SASS6: variants seen among roughly 807,000 people sequenced by gnomAD.
The protein encoded by SASS6 is SAS-6 centriolar assembly protein.
A neutral mutation model predicts 94.9 loss-of-function variants in SASS6; 59 were observed. The observed-to-expected ratio is 0.62, with a 90% CI of 0.50 to 0.77. SASS6 has a LOEUF of 0.77. Ranked by LOEUF, SASS6 falls within the 30% of genes least tolerant of loss-of-function variation. The pLI is 0.00. For synonymous variants in SASS6, 264 were observed against 270.0 expected, an observed-to-expected ratio of 0.98 and a Z score of 0.22; for missense variants, 698 against 734.1, an observed-to-expected ratio of 0.95 and a Z score of 0.57.
At chr1:100,105,224 G>A (rs1652806150) in intron 13 of SASS6, among the ~76,000 whole-genome samples, 3 of 152,062 alleles carry the variant, frequency 2.0e-5, no homozygotes. Flanking sequence ...ATCCAGTCAA[G>A]ACTTATAAAG....
chr1:100,100,225 C>A (rs1652376908), intron 14 of SASS6, among the ~76,000 whole-genome samples: 1 of 152,058 alleles, frequency 6.6e-6, no homozygotes, highest in Admixed American at 6.5e-5. Flanking sequence ...AAGATCATGC[C>A]ACTGCACTCT....
At chr1:100,112,142 T>C (rs935864336) in intron 7 of SASS6, among the ~76,000 whole-genome samples, 17 of 152,066 alleles carry the variant, frequency 1.1e-4, no homozygotes, top group African/African-American at 3.9e-4. Flanking sequence ...TAATAGAGTC[T>C]AACAGAAAAG....
intron 13 of SASS6, among the ~76,000 whole-genome samples, chr1:100,103,421 T>C (rs992331926): frequency 3.3e-5 from 5 of 152,182 alleles, no homozygotes; most frequent in Non-Finnish European, 7.4e-5. Context: ...TGGAGATCAA[T>C]AGGCCAATCA....
chr1:100,119,745 G>A (rs1385720888), intron 6 of SASS6, among the ~76,000 whole-genome samples: 4 of 152,138 alleles, frequency 2.6e-5, no homozygotes, highest in Admixed American at 6.5e-5. Context: ...CCCTCACCAT[G>A]TGACACTCCT....
At position 100,107,919 on chromosome 1, in the gene SASS6, T is replaced by C. The variant is rs1244123725; in HGVS notation, c.947A>G (p.His316Arg). The C allele has an allele frequency of 6.2e-7, 1 of 1,612,524 alleles. No individual in the cohort carries two copies. Among genetic ancestry groups the C allele is most frequent in the Admixed American group, 1.7e-5 (1 of 60,002 alleles). ...LDVECHEKEKHVNQLQTKVAV... is the reference protein window; with the variant it reads ...LDVECHEKEKRVNQLQTKVAV... Reference sequence around the variant, plus strand: ...CACTTTTGTTTGTAGCTGATTAACGTGCTTTTCTTTCTCGTGGCATTCAAC... The same window carrying C: ...CACTTTTGTTTGTAGCTGATTAACGCGCTTTTCTTTCTCGTGGCATTCAAC... Residue 316 changes from histidine to arginine, a missense_variant, in exon 9 of 17, where the codon CAC becomes CGC. His to Arg is a conservative substitution (Grantham distance 29, BLOSUM62 0). Transcript: ENST00000287482.
chr1:100,108,751 T>C (rs756946128), intron 8 of SASS6, among the ~76,000 whole-genome samples: 5 of 152,190 alleles, frequency 3.3e-5, no homozygotes, highest in Admixed American at 6.5e-5. Flanking sequence ...TGTGTGATCT[T>C]GGTAATTACT....
intron 14 of SASS6, among the ~76,000 whole-genome samples, chr1:100,093,150 CA>C (rs2101643762): frequency 7.0e-6 from 1 of 142,100 alleles, no homozygotes; most frequent in South Asian, 2.2e-4. Flanking sequence ...ATTATCCCAA[CA>C]AAAACAGAAT....
intron 7 of SASS6, among the ~76,000 whole-genome samples, chr1:100,117,525 C>A (rs998194098): frequency 1.3e-5 from 2 of 151,746 alleles, no homozygotes; most frequent in Admixed American, 1.3e-4. Flanking sequence ...TGGTGGCATG[C>A]GCCTGTAATC....
At chr1:100,120,631 C>T (rs1191068955) in intron 5 of SASS6, among the ~76,000 whole-genome samples, 172 bp from the exon 6 acceptor site, 1 of 152,212 alleles carries the variant, frequency 6.6e-6, no homozygotes, top group Non-Finnish European at 1.5e-5. Flanking sequence ...TAAAGTTTGA[C>T]ATGCACTGAT....
In SASS6 at chr1:100,096,564, T is replaced by C. The variant is rs115562718; in HGVS notation, c.1674+6391A>G. On this transcript the variant is annotated intron_variant, in intron 14 of 16. Coordinates refer to ENST00000287482, the MANE Select transcript of SASS6 (RefSeq NM_194292.3). ...GCACTCCATCAAATATTAAAAACTTTTGTATTTCAAAAGACACATTGAGAA... is the reference window on the plus strand; with the variant it reads ...GCACTCCATCAAATATTAAAAACTTCTGTATTTCAAAAGACACATTGAGAA... 2.8e-3 allele frequency among the ~76,000 whole-genome samples: 431 copies of C among 152,308 alleles called. 3 individuals are homozygous for C. Among genetic ancestry groups the C allele is most frequent in the African/African-American group, 0.01 (416 of 41,576 alleles).
intron 2 of SASS6, among the ~76,000 whole-genome samples, chr1:100,125,150 A>G (rs1204233926): frequency 1.3e-5 from 2 of 151,772 alleles, no homozygotes; most frequent in African/African-American, 2.4e-5. Context: ...AAGATTCACA[A>G]ATATCTCCCT....
intron 1 of SASS6, among the ~76,000 whole-genome samples, chr1:100,130,618 G>C (rs986497170): frequency 4.0e-5 from 6 of 151,778 alleles, no homozygotes; most frequent in Non-Finnish European, 7.4e-5. Flanking sequence ...GGGCCCAGGA[G>C]GTCAAGGCTG....
chr1:100,086,119 A>T (rs1039428562), intron 15 of SASS6, among the ~76,000 whole-genome samples: 1 of 141,334 alleles, frequency 7.1e-6, no homozygotes, highest in Non-Finnish European at 1.6e-5. Context: ...TCTGGGGGAG[A>T]AAGAAGGGCA....
chr1:100,100,145 A>C lies in SASS6; in HGVS notation c.1674+2810T>G, dbSNP rs189773402. Among the ~76,000 whole-genome samples, 9 of 152,236 alleles carry C rather than the reference A, an allele frequency of 5.9e-5. No homozygotes were observed. In the East Asian group the frequency reaches 1.7e-3, roughly 29 times the overall value. On this transcript the variant is annotated intron_variant, in intron 14 of 16. Coordinates refer to ENST00000287482, the MANE Select transcript of SASS6 (RefSeq NM_194292.3). Reference sequence around the variant, plus strand: ...GCCAGGTGTGGTGCTGCACACCTGTAATCTCAGCTACTCGGGAGGCTGAGG... The same window carrying C: ...GCCAGGTGTGGTGCTGCACACCTGTCATCTCAGCTACTCGGGAGGCTGAGG...
At chr1:100,094,759 G>T (rs142774225) in intron 14 of SASS6, among the ~76,000 whole-genome samples, 3 of 151,622 alleles carry the variant, frequency 2.0e-5, no homozygotes, top group Non-Finnish European at 4.4e-5. Flanking sequence ...CCAGCTACTC[G>T]GGAGGCTGCG....
chr1:100,117,120 C>A (rs1653847490), intron 7 of SASS6, among the ~76,000 whole-genome samples: 1 of 150,582 alleles, frequency 6.6e-6, no homozygotes, highest in South Asian at 2.1e-4. Flanking sequence ...ATGGTGAAAC[C>A]CCGTCTTCAC....
chr1:100,111,485 C>G (rs939696764), intron 7 of SASS6, among the ~76,000 whole-genome samples: 1 of 151,926 alleles, frequency 6.6e-6, no homozygotes, highest in Admixed American at 6.6e-5. Context: ...CAATTTTTCA[C>G]AATTATAAAT....
chr1:100,107,021 T>C, intron 11 of SASS6, 28 bp from the exon 12 acceptor site: 1 of 943,590 alleles, frequency 1.1e-6, no homozygotes, highest in Non-Finnish European at 1.7e-6. Context: ...TCACAATAAG[T>C]CAAGCAAAAT....
intron 14 of SASS6, among the ~76,000 whole-genome samples, chr1:100,101,438 T>A (rs977878599): frequency 6.6e-6 from 1 of 152,036 alleles, no homozygotes; most frequent in Non-Finnish European, 1.5e-5. Flanking sequence ...ATAATTATTA[T>A]AATGATTCCT....
Sources: gnomAD v4.1 joint callset for allele counts (sites outside exome capture counted in the v4.1 genomes callset) on GRCh38, gnomAD v4.1.1 for gene constraint, MANE v1.5 for transcripts, NCBI Gene and HGNC (gene_info 2026-07-23, HGNC 2026-07-21) for gene names.